ERCC8: variants seen among roughly 807,000 people sequenced by gnomAD.
ERCC8 encodes the protein ERCC excision repair 8, CSA ubiquitin ligase complex subunit, also known as DNA excision repair protein ERCC-8.
Under a neutral mutation model 54.9 loss-of-function variants are expected in ERCC8, and 52 were observed. The observed-to-expected ratio is 0.95, with a 90% confidence interval of 0.76 to 1.19. ERCC8 has a LOEUF of 1.19. Ranked by LOEUF, ERCC8 falls within the 50% of genes most tolerant of loss-of-function variation. The pLI, the probability that ERCC8 is intolerant of heterozygous loss-of-function variation, is 0.00. For synonymous variants in ERCC8, 146 were observed against 157.2 expected, an observed-to-expected ratio of 0.93 and a Z score of 0.53; for missense variants, 514 against 466.1, an observed-to-expected ratio of 1.10 and a Z score of -0.95.
rs1747783395 is a variant in ERCC8 at position 60,867,750 on chromosome 5, C to A, written c.*6865G>T. Reference sequence around the variant, plus strand: ...CCACATGGGAGAAGCAGCTCTCCTGCTCCTGGTGGTGTTTTTACAGAAGGT... The same window carrying A: ...CCACATGGGAGAAGCAGCTCTCCTGATCCTGGTGGTGTTTTTACAGAAGGT... On this transcript the variant is annotated 3_prime_UTR_variant, in exon 12 of 12. Coordinates refer to ENST00000676185, the MANE Select transcript of ERCC8 (RefSeq NM_000082.4). Among the ~76,000 whole-genome samples, 1 of 152,154 alleles carries A rather than the reference C, an allele frequency of 6.6e-6. No individual in the cohort carries two copies. Among genetic ancestry groups the A allele is most frequent in the African/African-American group, 2.4e-5 (1 of 41,446 alleles).
In ERCC8 at chr5:60,933,938, T is replaced by TACACACACAC. The variant is rs70977815; in HGVS notation, c.78-4989_78-4980dup. 6.0e-4 allele frequency among the ~76,000 whole-genome samples: 90 copies of TACACACACAC among 151,108 alleles called. 1 individual carries two copies. Among genetic ancestry groups the TACACACACAC allele is most frequent in the South Asian group, 1.5e-3 (7 of 4,772 alleles). On this transcript the variant is annotated intron_variant, in intron 1 of 11. Coordinates refer to ENST00000676185, the MANE Select transcript of ERCC8 (RefSeq NM_000082.4). ...TTTATGGCTGAGTAGTATTCCATGA[T>TACACACACAC]ACACACACACACACACACAACCACA...
At chr5:60,879,815 AT>A (rs1216632456) in intron 11 of ERCC8, among the ~76,000 whole-genome samples, 2 of 152,092 alleles carry the variant, frequency 1.3e-5, no homozygotes, top group African/African-American at 4.8e-5. Flanking sequence ...TTGACTCTTT[AT>A]CCAATTTGCC....
chr5:60,903,865 T>G, intron 5 of ERCC8, 149 bp from the exon 6 acceptor site: 1 of 762,204 alleles, frequency 1.3e-6, no homozygotes, highest in Non-Finnish European at 2.1e-6. Flanking sequence ...ATTTTTAATG[T>G]TTACATTTAG....
Position 60,868,638 on chromosome 5 carries a change from C to A in ERCC8, c.*5977G>T, listed in dbSNP as rs2112445643. ...GTATCTGAGGATGTTGCTGATAGAG[C>A]TAGCAAGATAGAAAAATTTGTATTA... is the stretch of plus-strand genomic sequence containing the variant. On this transcript the variant is annotated 3_prime_UTR_variant, in exon 12 of 12. Coordinates refer to ENST00000676185, the MANE Select transcript of ERCC8 (RefSeq NM_000082.4). Among the ~76,000 whole-genome samples, 1 of 152,226 alleles carries A rather than the reference C, an allele frequency of 6.6e-6. No homozygotes were observed. Among genetic ancestry groups the A allele is most frequent in the Non-Finnish European group, 1.5e-5 (1 of 68,006 alleles).
chr5:60,910,712 T>C (rs1749231930), intron 4 of ERCC8, among the ~76,000 whole-genome samples: 1 of 152,212 alleles, frequency 6.6e-6, no homozygotes. Flanking sequence ...AAATATAATT[T>C]ACCTTGTATC....
In ERCC8 at chr5:60,874,324, T is replaced by C; in HGVS notation, c.*291A>G. 3.2e-6 allele frequency: 1 copy of C among 316,498 alleles called. No homozygotes were observed. The highest frequency in any genetic ancestry group is 5.8e-6 in the Non-Finnish European group (1 of 172,888). 19.6% of individuals were successfully genotyped at this position (316,498 alleles called of 1,614,324 possible). A position where few individuals can be genotyped will look rare whatever the true frequency, so the allele number is the denominator to read the frequency against. On this transcript the variant is annotated 3_prime_UTR_variant, in exon 12 of 12. Transcript: ENST00000676185. ...AGACTGCATCTTATAGTTCATAAAA[T>C]CTGCTGAAGGTCACAACTGAGGTAC...
At chr5:60,898,119 C>T (rs1214750366) in intron 9 of ERCC8, among the ~76,000 whole-genome samples, 157 bp downstream of exon 9, 1 of 152,008 alleles carries the variant, frequency 6.6e-6, no homozygotes, top group Non-Finnish European at 1.5e-5. Context: ...GTGGGTTGTC[C>T]TGAGTTGAGA....
chr5:60,874,745 C>G (rs1218916130), intron 11 of ERCC8, 62 bp from the exon 12 acceptor site: 1 of 1,388,010 alleles, frequency 7.2e-7, no homozygotes, highest in Non-Finnish European at 1.0e-6. Context: ...TAATTTTAGG[C>G]TCACAATAAA....
At chr5:60,895,608 T>C (rs921487215) in intron 9 of ERCC8, among the ~76,000 whole-genome samples, 4 of 152,224 alleles carry the variant, frequency 2.6e-5, no homozygotes, top group Admixed American at 1.3e-4. Flanking sequence ...AGTTCCTAGA[T>C]TAATTCCTAT....
chr5:60,921,914 C>T, intron 3 of ERCC8, 140 bp downstream of exon 3: 1 of 512,056 alleles, frequency 2.0e-6, no homozygotes, highest in Non-Finnish European at 3.5e-6. Flanking sequence ...AAGAAAGTGT[C>T]AAGGAACAGC....
At chr5:60,881,982 CT>C (rs1236502395) in intron 11 of ERCC8, among the ~76,000 whole-genome samples, 1 of 152,150 alleles carries the variant, frequency 6.6e-6, no homozygotes, top group Non-Finnish European at 1.5e-5. Flanking sequence ...GGAGCTGTTC[CT>C]ATTCGGCCAT....
chr5:60,893,473 A>G (rs903373248), intron 9 of ERCC8: 16 of 946,286 alleles, frequency 1.7e-5, no homozygotes, highest in South Asian at 2.6e-5. Context: ...ACTGAGGAGC[A>G]GAGGGCACTT....
At position 60,890,314 on chromosome 5, in the gene ERCC8, C is replaced by G. The variant is rs151328084; in HGVS notation, c.1041+575G>C. Among the ~76,000 whole-genome samples the G allele has an allele frequency of 8.9e-4, 135 of 152,244 alleles. 1 individual carries two copies. The highest frequency in any genetic ancestry group is 3.2e-3 in the African/African-American group (131 of 41,546). On this transcript the variant is annotated intron_variant, in intron 10 of 11. Transcript: ENST00000676185. ...ATACCAACTATCTTGCAATGTTATA[C>G]TCATTTAAAGAAGTGCATGAGGTAA...
chr5:60,919,859 T>TA (rs902781444), intron 3 of ERCC8, among the ~76,000 whole-genome samples: 19 of 151,896 alleles, frequency 1.3e-4, no homozygotes, highest in African/African-American at 4.6e-4. Context: ...AACATTTTTT[T>TA]AAAAAACAGT....
rs1193960383 is a variant in ERCC8, at chr5:60,870,385, T to C, written c.*4230A>G. On this transcript the variant is annotated 3_prime_UTR_variant, in exon 12 of 12. Coordinates refer to ENST00000676185, the MANE Select transcript of ERCC8 (RefSeq NM_000082.4). ...CAGGCCCGGCACGGTGGCTCACGCC[T>C]GTAAATCCCAGCACTTTGGGAGGCC... Among the ~76,000 whole-genome samples the C allele has an allele frequency of 1.4e-5, 2 of 147,042 alleles. No homozygotes were observed. Among genetic ancestry groups the C allele is most frequent in the Non-Finnish European group, 3.0e-5 (2 of 67,706 alleles).
At chr5:60,881,210 G>C (rs767903180) in intron 11 of ERCC8, among the ~76,000 whole-genome samples, 1 of 152,114 alleles carries the variant, frequency 6.6e-6, no homozygotes, top group Non-Finnish European at 1.5e-5. Context: ...CTAGCTGATC[G>C]TTCCTCTGGG....
At chr5:60,940,922 CT>C (rs1326041600) in intron 1 of ERCC8, among the ~76,000 whole-genome samples, 1 of 152,182 alleles carries the variant, frequency 6.6e-6, no homozygotes, top group Non-Finnish European at 1.5e-5. Context: ...AAAATTTCAA[CT>C]TGCATGGGAA....
chr5:60,893,886 C>T (rs760088589), intron 9 of ERCC8, among the ~76,000 whole-genome samples: 40 of 151,944 alleles, frequency 2.6e-4, no homozygotes, highest in Admixed American at 9.2e-4. Flanking sequence ...ACTCTCATCA[C>T]TATCCATCTC....
intron 1 of ERCC8, among the ~76,000 whole-genome samples, chr5:60,944,433 T>C (rs1050332666): frequency 6.6e-6 from 1 of 152,200 alleles, no homozygotes; most frequent in Non-Finnish European, 1.5e-5. Context: ...CTCTTCCTCA[T>C]CTAGTTTCTG....
Sources: gnomAD v4.1 joint callset for allele counts (sites outside exome capture counted in the v4.1 genomes callset) on GRCh38, gnomAD v4.1.1 for gene constraint, MANE v1.5 for transcripts, NCBI Gene and HGNC (gene_info 2026-07-23, HGNC 2026-07-21) for gene names.